The following ARHGAP22 variants were observed in gnomAD, a reference collection of about 807,000 sequenced individuals.
ARHGAP22 encodes the protein Rho GTPase activating protein 22.
Under a neutral mutation model 59.1 loss-of-function variants are expected in ARHGAP22, and 48 were observed. The ratio of observed to expected loss-of-function variants is 0.81; its 90% CI spans 0.64 to 1.03. ARHGAP22 has a LOEUF of 1.03. Ranked by LOEUF, ARHGAP22 falls within the 50% of genes least tolerant of loss-of-function variation. The pLI is 0.00. For missense variants in ARHGAP22, 1,015 were observed against 958.7 expected (o/e 1.06, Z -0.78); for synonymous variants, 445 against 416.4 (o/e 1.07, Z -0.84).
intron 1 of ARHGAP22, among the ~76,000 whole-genome samples, chr10:48,641,240 A>G (rs2062032332): frequency 6.6e-6 from 1 of 152,218 alleles, no homozygotes; most frequent in Admixed American, 6.5e-5. Context: ...GTAAATTCAA[A>G]CATATCAATA....
In ARHGAP22 at chr10:48,539,290, C is replaced by CTT. The variant is rs553835954; in HGVS notation, c.322+16172_322+16173insAA. ...CTAACAATTAGTATGAGAAGGGTAA[C>CTT]ATTTTTTTTTTTTTTTTTTGAGACG... On this transcript the variant is annotated intron_variant, in intron 3 of 9. Coordinates refer to ENST00000249601, the MANE Select transcript of ARHGAP22 (RefSeq NM_021226.4). Among the ~76,000 whole-genome samples, 7 of 129,304 alleles carry CTT rather than the reference C, an allele frequency of 5.4e-5. 1 individual carries two copies. Among genetic ancestry groups the CTT allele is most frequent in the Admixed American group, 7.6e-5 (1 of 13,146 alleles). 84.8% of individuals were successfully genotyped at this position (129,304 alleles called of 152,430 possible). A position where few individuals can be genotyped will look rare whatever the true frequency, so the allele number is the denominator to read the frequency against.
At chr10:48,647,276 C>G (rs1398153401) in intron 1 of ARHGAP22, among the ~76,000 whole-genome samples, 4 of 152,096 alleles carry the variant, frequency 2.6e-5, no homozygotes, top group African/African-American at 9.7e-5. Context: ...TGCCTGTAAT[C>G]CCAGCTACTC....
intron 3 of ARHGAP22, among the ~76,000 whole-genome samples, chr10:48,549,621 G>A (rs1319097469): frequency 6.6e-6 from 1 of 152,156 alleles, no homozygotes; most frequent in Non-Finnish European, 1.5e-5. Context: ...GTGGCCTAGG[G>A]ATTAAAAAGG....
intron 4 of ARHGAP22, among the ~76,000 whole-genome samples, chr10:48,473,203 T>A (rs2048384235): frequency 6.6e-6 from 1 of 152,190 alleles, no homozygotes; most frequent in African/African-American, 2.4e-5. Flanking sequence ...TAGATGAAAC[T>A]TGAGAACATT....
At chr10:48,576,958 T>C (rs1485171068) in intron 2 of ARHGAP22, among the ~76,000 whole-genome samples, 5 of 122,084 alleles carry the variant, frequency 4.1e-5, no homozygotes, top group African/African-American at 1.5e-4. Flanking sequence ...CAAATCTCCA[T>C]GGTAATTTTG....
chr10:48,512,952 C>G (rs913643546), intron 3 of ARHGAP22, among the ~76,000 whole-genome samples: 1 of 152,186 alleles, frequency 6.6e-6, no homozygotes, highest in Non-Finnish European at 1.5e-5. Context: ...CTCAAAGATT[C>G]TCATTCCTAG....
At chr10:48,505,042 A>G (rs887528429) in intron 3 of ARHGAP22, among the ~76,000 whole-genome samples, 69 of 81,066 alleles carry the variant, frequency 8.5e-4, no homozygotes, top group Non-Finnish European at 9.8e-4. Context: ...TGTCTCCAGA[A>G]ACTACATTTT....
chr10:48,532,735 T>G (rs1186716540), intron 3 of ARHGAP22: 1 of 149,384 alleles, frequency 6.7e-6, no homozygotes, highest in African/African-American at 2.5e-5. Flanking sequence ...GAACATGCAG[T>G]GTTTGGTTTT....
In ARHGAP22 at chr10:48,538,992, T is replaced by C. The variant is rs183409853; in HGVS notation, c.322+16471A>G. Among the ~76,000 whole-genome samples, 219 of 152,180 alleles carry C rather than the reference T, an allele frequency of 1.4e-3. 1 individual carries two copies. Among genetic ancestry groups the C allele is most frequent in the Admixed American group, 1.0e-2 (152 of 15,266 alleles). Reference sequence around the variant, plus strand: ...TTAAAATAAAAGATATCTTCTAAAGTGGGGAAGAAGAAATGGAATTACTTG... The same window carrying C: ...TTAAAATAAAAGATATCTTCTAAAGCGGGGAAGAAGAAATGGAATTACTTG... On this transcript the variant is annotated intron_variant, in intron 3 of 9. Coordinates refer to ENST00000249601, the MANE Select transcript of ARHGAP22 (RefSeq NM_021226.4).
At chr10:48,549,753 C>T in intron 3 of ARHGAP22, among the ~76,000 whole-genome samples, 1 of 152,156 alleles carries the variant, frequency 6.6e-6, no homozygotes, top group East Asian at 1.9e-4. Context: ...TAACTCAAAC[C>T]TCCTCTCACT....
At chr10:48,597,151 A>C (rs1047101995) in intron 1 of ARHGAP22, among the ~76,000 whole-genome samples, 2 of 151,840 alleles carry the variant, frequency 1.3e-5, no homozygotes, top group South Asian at 2.1e-4. Flanking sequence ...CTGGACATGC[A>C]CCTCTCCTTC....
rs572574965 is a variant in ARHGAP22, at chr10:48,454,028, G to C, written c.866+60C>G. ...GGAAGAGTTGCGTGTCTCGCTGTGG[G>C]GTTGGGGGAGCGTGGAGCCAGTGCA... On this transcript the variant is annotated intron_variant, in intron 7 of 9. Transcript: ENST00000249601. The C allele has an allele frequency of 1.1e-5, 17 of 1,529,596 alleles. No homozygotes were observed. The South Asian group carries it at 1.8e-4, about 16-fold the overall frequency. The allele number at this position is 1,529,596 out of a possible 1,614,324, so 94.8% of individuals were successfully genotyped here.
chr10:48,578,204 C>A (rs924111323), intron 2 of ARHGAP22, among the ~76,000 whole-genome samples: 4 of 152,070 alleles, frequency 2.6e-5, no homozygotes, highest in African/African-American at 9.7e-5. Context: ...CTGCCAAGCC[C>A]CAAGTCTTTG....
At position 48,555,245 on chromosome 10, in the gene ARHGAP22, C is replaced by T. The variant is rs117791104; in HGVS notation, c.322+218G>A. 3.8e-3 allele frequency among the ~76,000 whole-genome samples: 578 copies of T among 152,308 alleles called. 2 individuals carry two copies. Among genetic ancestry groups the T allele is most frequent in the Non-Finnish European group, 6.1e-3 (416 of 68,024 alleles). On this transcript the variant is annotated intron_variant, in intron 3 of 9. Transcript: ENST00000249601. ...ATCGTGAATTTAAAAATCCTCGTTT[C>T]GCATTACCCAAAAGCTCATTGTCCA...
At chr10:48,537,849 G>T (rs983730603) in intron 3 of ARHGAP22, among the ~76,000 whole-genome samples, 1 of 152,226 alleles carries the variant, frequency 6.6e-6, no homozygotes, top group Admixed American at 6.5e-5. Context: ...TAGGCAGAGA[G>T]GGGGTGCAGG....
At chr10:48,457,172 C>A (rs2046617214) in intron 5 of ARHGAP22, among the ~76,000 whole-genome samples, 2 of 152,230 alleles carry the variant, frequency 1.3e-5, no homozygotes, top group Admixed American at 6.5e-5. Context: ...CCCAGGGAAC[C>A]CCCCGCCCAC....
intron 1 of ARHGAP22, 85 bp downstream of exon 1, chr10:48,604,678 T>C (rs1488811150): frequency 1.2e-6 from 2 of 1,606,068 alleles, no homozygotes; most frequent in Non-Finnish European, 1.7e-6. Flanking sequence ...ATGTGACACA[T>C]GGCGTGACGG....
At chr10:48,450,132 T>C in intron 9 of ARHGAP22, 129 bp downstream of exon 9, 2 of 1,322,888 alleles carry the variant, frequency 1.5e-6, no homozygotes, top group Non-Finnish European at 2.0e-6. Flanking sequence ...GAGCTAGGAT[T>C]CCCCTCTCTG....
At chr10:48,609,012 C>T (rs573435404), upstream of ARHGAP22, among the ~76,000 whole-genome samples, 9 of 152,294 alleles carry the variant, frequency 5.9e-5, no homozygotes, top group African/African-American at 1.9e-4. Flanking sequence ...TGTTCAATGA[C>T]ATCATGCTGG....
Sources: allele counts gnomAD v4.1 joint callset (sites outside exome capture counted in the v4.1 genomes callset), GRCh38; gene constraint gnomAD v4.1.1; transcripts MANE v1.5; gene names NCBI Gene and HGNC (gene_info 2026-07-23, HGNC 2026-07-21).